FAM13A: variants seen among roughly 807,000 people sequenced by gnomAD.
FAM13A encodes family with sequence similarity 13 member A.
A neutral mutation model predicts 129.6 loss-of-function variants in FAM13A; 76 were observed. That is an observed-to-expected ratio of 0.59 (90% CI 0.49 to 0.71). The LOEUF is 0.71. Ranked by LOEUF, FAM13A falls within the 30% of genes least tolerant of loss-of-function variation. FAM13A has a pLI of 0.00. For missense variants in FAM13A, 1,108 were observed against 1,249.3 expected (o/e 0.89, Z 1.70); for synonymous variants, 443 against 449.9 (o/e 0.98, Z 0.20).
rs188285560 is a variant in FAM13A, at chr4:88,896,803, G to A, written c.843+9576C>T. ...GGAGAATCCAATAACCGAAACTATC[G>A]TGTGCTTATAATTTTAATTTTTATC... On this transcript the variant is annotated intron_variant, in intron 6 of 23. Coordinates refer to ENST00000264344, the MANE Select transcript of FAM13A (RefSeq NM_014883.4). Among the ~76,000 whole-genome samples the A allele has an allele frequency of 1.4e-3, 209 of 152,236 alleles. 2 individuals are homozygous for A. The highest frequency in any genetic ancestry group is 4.3e-3 in the African/African-American group (180 of 41,532).
chr4:89,017,414 G>A (rs933109748), intron 3 of FAM13A, among the ~76,000 whole-genome samples: 1 of 151,864 alleles, frequency 6.6e-6, no homozygotes, highest in Non-Finnish European at 1.5e-5. Flanking sequence ...GAGGAATCAC[G>A]TCATAAAGAA....
intron 4 of FAM13A, among the ~76,000 whole-genome samples, chr4:88,939,671 T>A (rs1036434508): frequency 6.6e-6 from 1 of 152,138 alleles, no homozygotes. Context: ...GCAAAGGTGA[T>A]AGGATGTCGC....
intron 8 of FAM13A, 132 bp from the exon 9 acceptor site, chr4:88,790,759 A>T: frequency 1.4e-6 from 1 of 713,746 alleles, no homozygotes; most frequent in Non-Finnish European, 2.4e-6. Flanking sequence ...ATGTTTAACC[A>T]TCCAATGAAA....
At chr4:89,006,940 C>T (rs1448628259) in intron 3 of FAM13A, among the ~76,000 whole-genome samples, 1 of 152,098 alleles carries the variant, frequency 6.6e-6, no homozygotes, top group African/African-American at 2.4e-5. Context: ...ACCACTTGTC[C>T]CTCTGCCAGC....
Position 88,728,424 on chromosome 4 carries a change from C to T in FAM13A, c.*109G>A. 7.3e-7 allele frequency: 1 copy of T among 1,361,354 alleles called. No homozygotes were observed. Among genetic ancestry groups the T allele is most frequent in the Non-Finnish European group, 1.0e-6 (1 of 970,154 alleles). The allele number at this position is 1,361,354 out of a possible 1,614,324, so 84.3% of individuals were successfully genotyped here. ...GCCAAATGGTCTAGAGGCAGAAGGG[C>T]TGCATGCTTTGCAGGGCCAGCCCCA... On this transcript the variant is annotated 3_prime_UTR_variant, in exon 24 of 24. Coordinates refer to ENST00000264344, the MANE Select transcript of FAM13A (RefSeq NM_014883.4).
intron 3 of FAM13A, among the ~76,000 whole-genome samples, chr4:89,015,610 A>G (rs1009485133): frequency 6.6e-6 from 1 of 152,240 alleles, no homozygotes; most frequent in Non-Finnish European, 1.5e-5. Context: ...ACATCATTTT[A>G]CTTAAAGTTG....
Position 88,731,348 on chromosome 4 carries a change from T to G in FAM13A, c.2924A>C (p.Asn975Thr), listed in dbSNP as rs1243561913. The change falls in exon 23 of 24, where the codon AAC becomes ACC. Residue 975 changes from asparagine to threonine, a missense_variant. Physicochemically the swap from Asn to Thr is moderately conservative, Grantham distance 65. This residue lies in a region of FAM13A where 529 missense variants were observed against 621.2 expected (regional missense o/e 0.85). Transcript: ENST00000264344. Reference protein sequence around the residue: ...IRKKLRDFEDNFFRQNGRNVQ... With the variant: ...IRKKLRDFEDTFFRQNGRNVQ... The stretch of plus-strand genomic sequence containing the variant: ...CTACCTTCCATTCTGTCTGAAAAAG[T>G]TGTCTTCAAAATCCCGAAGTTTCTT... 1 of 1,607,684 alleles carries G rather than the reference T, an allele frequency of 6.2e-7. No homozygotes were observed. Among genetic ancestry groups the G allele is most frequent in the East Asian group, 2.2e-5 (1 of 44,866 alleles).
intron 4 of FAM13A, among the ~76,000 whole-genome samples, chr4:88,971,099 CTGAGGCAGGAGAATGGCA>C (rs1164594926): frequency 2.4e-4 from 37 of 152,102 alleles, no homozygotes; most frequent in Admixed American, 4.6e-4. Flanking sequence ...GCAGGAGAAG[CTGAGGCAGGAGAATGGCA>C]TGAGGCAGGA....
intron 6 of FAM13A, among the ~76,000 whole-genome samples, chr4:88,878,514 T>G (rs1742996364): frequency 6.6e-6 from 1 of 152,090 alleles, no homozygotes; most frequent in South Asian, 2.1e-4. Flanking sequence ...TACAGTTATT[T>G]TAATAAATCA....
rs771287709 is a variant in FAM13A at position 88,747,658 on chromosome 4, C to T, written c.2355G>A (p.Ala785=). The T allele has an allele frequency of 2.4e-5, 39 of 1,614,018 alleles. No individual in the cohort carries two copies. Among genetic ancestry groups the T allele is most frequent in the African/African-American group, 1.2e-4 (9 of 74,934 alleles). The change falls in exon 18 of 24, where the codon GCG becomes GCA. Residue 785 remains alanine, a synonymous_variant. Transcript: ENST00000264344. The stretch of plus-strand genomic sequence containing the variant: ...TAATGTCCTCAGGGCGGCTGCTTTC[C>T]GCTCGCTTCTCCTGGAGCTTCCTCT... The part of the protein sequence containing the change: ...SIQRKLQEKR[A]ESSRPEDIKD...
At chr4:89,025,036 G>C (rs1208461670) in intron 2 of FAM13A, among the ~76,000 whole-genome samples, 1 of 151,992 alleles carries the variant, frequency 6.6e-6, no homozygotes, top group Non-Finnish European at 1.5e-5. Context: ...TGCTAAGGAG[G>C]GGCAGAAGAA....
chr4:88,923,781 C>A (rs1482523274), intron 5 of FAM13A, among the ~76,000 whole-genome samples: 1 of 152,162 alleles, frequency 6.6e-6, no homozygotes, highest in East Asian at 1.9e-4. Flanking sequence ...TTGCAGATGA[C>A]ATGATTGTAT....
chr4:88,758,845 T>C lies in FAM13A; in HGVS notation c.1635A>G (p.Arg545=). 6.2e-7 allele frequency: 1 copy of C among 1,614,054 alleles called. No individual in the cohort carries two copies. Among genetic ancestry groups the C allele is most frequent in the Non-Finnish European group, 8.5e-7 (1 of 1,179,930 alleles). The change falls in exon 14 of 24, where the codon AGA becomes AGG. Residue 545 remains arginine (R), a synonymous_variant. Coordinates refer to ENST00000264344, the MANE Select transcript of FAM13A (RefSeq NM_014883.4). ...HPSLSDTKQQ[R]NQDAGDQEES... is the part of the protein sequence containing the mutation. ...CCTCCTGGTCACCGGCATCTTGATT[T>C]CTCTGCTGTTTGGTGTCAGATAGGC...
chr4:88,886,478 C>T (rs970775633), intron 6 of FAM13A, among the ~76,000 whole-genome samples: 32 of 151,830 alleles, frequency 2.1e-4, no homozygotes, highest in Admixed American at 2.1e-3. Flanking sequence ...GTCCCAGTTA[C>T]TCAGGAGGCT....
intron 1 of FAM13A, among the ~76,000 whole-genome samples, chr4:89,050,742 A>G (rs1771484807): frequency 6.6e-6 from 1 of 151,906 alleles, no homozygotes; most frequent in South Asian, 2.1e-4. Flanking sequence ...AGCCTGGCCA[A>G]CATGGTGAAA....
intron 4 of FAM13A, among the ~76,000 whole-genome samples, chr4:88,945,358 A>G (rs774561339): frequency 3.3e-5 from 5 of 152,192 alleles, no homozygotes; most frequent in Non-Finnish European, 5.9e-5. Context: ...ACAACCAGAG[A>G]CATTCAACTG....
At chr4:89,027,320 C>A (rs977018927) in intron 2 of FAM13A, among the ~76,000 whole-genome samples, 1 of 152,092 alleles carries the variant, frequency 6.6e-6, no homozygotes, top group Non-Finnish European at 1.5e-5. Flanking sequence ...CCAGCCTGGA[C>A]AACATGGCGA....
At chr4:88,770,952 G>A (rs1279373827) in intron 11 of FAM13A, among the ~76,000 whole-genome samples, 3 of 152,104 alleles carry the variant, frequency 2.0e-5, no homozygotes, top group African/African-American at 2.4e-5. Flanking sequence ...TTCCAATATT[G>A]TTCAATATTC....
chr4:88,998,915 G>A (rs771475107), intron 3 of FAM13A, among the ~76,000 whole-genome samples: 28 of 152,080 alleles, frequency 1.8e-4, no homozygotes, highest in Non-Finnish European at 3.5e-4. Flanking sequence ...CCATGATATG[G>A]TTCTCAGAGG....
Sources: gnomAD v4.1 joint callset for allele counts (sites outside exome capture counted in the v4.1 genomes callset) on GRCh38, gnomAD v4.1.1 for gene constraint, gnomAD v4.1.1 regional missense constraint, MANE v1.5 for transcripts, NCBI Gene and HGNC (gene_info 2026-07-23, HGNC 2026-07-21) for gene names.